TRIM23: variants seen among roughly 807,000 people sequenced by gnomAD.
TRIM23 encodes the protein E3 ubiquitin-protein ligase TRIM23.
A neutral mutation model predicts 71.0 loss-of-function variants in TRIM23; 27 were observed. The observed-to-expected ratio is 0.38, with a 90% confidence interval of 0.28 to 0.52. The LOEUF (loss-of-function observed/expected upper bound fraction) is 0.52, where lower values mean the gene tolerates loss of function less well. Ranked by LOEUF, TRIM23 falls within the 20% of genes least tolerant of loss-of-function variation. TRIM23 has a pLI of 0.84. For synonymous variants in TRIM23, 234 were observed against 238.0 expected (o/e 0.98, Z 0.16); for missense variants, 482 against 692.3 (o/e 0.70, Z 3.41).
chr5:65,611,117 T>C (rs1276041760), intron 4 of TRIM23, 74 bp from the exon 5 acceptor site: 1 of 1,319,684 alleles, frequency 7.6e-7, no homozygotes, highest in Non-Finnish European at 1.0e-6. Context: ...TTTAAATCCC[T>C]ATTAATACAA....
intron 6 of TRIM23, chr5:65,606,983 T>C (rs1189937582): frequency 1.3e-5 from 2 of 152,272 alleles, no homozygotes; most frequent in African/African-American, 4.8e-5. Context: ...ATACATGGCA[T>C]ATGTTAGCTA....
chr5:65,617,971 C>T (rs1754817284), intron 2 of TRIM23, 122 bp downstream of exon 2: 1 of 1,073,388 alleles, frequency 9.3e-7, no homozygotes, highest in African/African-American at 1.6e-5. Context: ...GAAACTTAGG[C>T]TTTCTGAAAC....
Position 65,591,569 on chromosome 5 carries a change from T to C in TRIM23, c.*200A>G. 7.3e-7 allele frequency: 1 copy of C among 1,363,148 alleles called. No individual in the cohort carries two copies. Among genetic ancestry groups the C allele is most frequent in the Non-Finnish European group, 9.6e-7 (1 of 1,036,770 alleles). 84.4% of individuals were successfully genotyped at this position (1,363,148 alleles called of 1,614,324 possible). On this transcript the variant is annotated 3_prime_UTR_variant, in exon 11 of 11. Coordinates refer to ENST00000231524, the MANE Select transcript of TRIM23 (RefSeq NM_001656.4). ...TAAGTTTCTATTTAATTCAATCTAA[T>C]CTGCTCAATTAGAAATTTAATTCTG... is the stretch of plus-strand genomic sequence containing the variant.
At position 65,590,448 on chromosome 5, in the gene TRIM23, C is replaced by T. The variant is rs1195127965; in HGVS notation, c.*1321G>A. The T allele has an allele frequency of 1.5e-6, 2 of 1,299,402 alleles. No homozygotes were observed. Among genetic ancestry groups the T allele is most frequent in the African/African-American group, 3.1e-5 (2 of 64,622 alleles). 80.5% of individuals were successfully genotyped at this position (1,299,402 alleles called of 1,614,324 possible). On this transcript the variant is annotated 3_prime_UTR_variant, in exon 11 of 11. Coordinates refer to ENST00000231524, the MANE Select transcript of TRIM23 (RefSeq NM_001656.4). ...TTGAAAAGAATGAACCACAACAGTG[C>T]TACCAAAAAGTCACATCTTGTTACC...
intron 1 of TRIM23, 31 bp downstream of exon 1, chr5:65,624,163 G>A: frequency 6.2e-7 from 1 of 1,613,692 alleles, no homozygotes; most frequent in Non-Finnish European, 8.5e-7. Flanking sequence ...GGAGGCCGAT[G>A]GTGGAGAATA....
At chr5:65,596,687 C>T (rs543382276) in intron 8 of TRIM23, among the ~76,000 whole-genome samples, 156 bp from the exon 9 acceptor site, 3 of 152,136 alleles carry the variant, frequency 2.0e-5, no homozygotes, top group Non-Finnish European at 2.9e-5. Context: ...CCTACTCCTA[C>T]GTGGTGAATG....
chr5:65,611,074 A>G, intron 4 of TRIM23, 31 bp from the exon 5 acceptor site: 2 of 1,565,122 alleles, frequency 1.3e-6, no homozygotes, highest in Non-Finnish European at 8.6e-7. Context: ...AGAGAAAAGA[A>G]CTCATAGTAT....
In TRIM23 at chr5:65,592,006, T is replaced by C. The variant is rs530944312; in HGVS notation, c.1546-58A>G. The C allele has an allele frequency of 1.7e-4, 256 of 1,478,890 alleles. No homozygotes were observed. The Middle Eastern group carries it at 5.6e-3, about 32-fold the overall frequency. 91.6% of individuals were successfully genotyped at this position (1,478,890 alleles called of 1,614,324 possible). On this transcript the variant is annotated intron_variant, in intron 10 of 10. Transcript: ENST00000231524. Reference sequence around the variant, plus strand: ...CCATCCAAATTATAATTTTTCTAATTATCACCATTTATAGAGAAATTTGTT... The same window carrying C: ...CCATCCAAATTATAATTTTTCTAATCATCACCATTTATAGAGAAATTTGTT...
chr5:65,622,592 A>C (rs1754974448), intron 1 of TRIM23, among the ~76,000 whole-genome samples: 1 of 152,248 alleles, frequency 6.6e-6, no homozygotes, highest in African/African-American at 2.4e-5. Flanking sequence ...ATATACTTCA[A>C]CTTTTACCTT....
chr5:65,596,382 T>C (rs756902897), intron 9 of TRIM23, 39 bp downstream of exon 9: 17 of 1,428,074 alleles, frequency 1.2e-5, no homozygotes, highest in African/African-American at 4.2e-5. Flanking sequence ...ACTGTCATCC[T>C]AAAAATGTGA....
intron 7 of TRIM23, among the ~76,000 whole-genome samples, chr5:65,599,597 A>G (rs968498132): frequency 6.6e-6 from 1 of 152,224 alleles, no homozygotes; most frequent in African/African-American, 2.4e-5. Context: ...AAAATAAATT[A>G]AGACATAAAT....
At chr5:65,622,299 G>A (rs1280874682) in intron 1 of TRIM23, among the ~76,000 whole-genome samples, 1 of 152,108 alleles carries the variant, frequency 6.6e-6, no homozygotes, top group East Asian at 1.9e-4. Flanking sequence ...CTGAGTAACT[G>A]GGATTAACAG....
intron 2 of TRIM23, among the ~76,000 whole-genome samples, chr5:65,616,453 C>A (rs1754780575): frequency 6.6e-6 from 1 of 151,528 alleles, no homozygotes. Flanking sequence ...ACCAGCCAGG[C>A]CAACATGGTG....
rs1753983200 is a variant in TRIM23 at position 65,590,308 on chromosome 5, A to G, written c.*1461T>C. On this transcript the variant is annotated 3_prime_UTR_variant, in exon 11 of 11. Coordinates refer to ENST00000231524, the MANE Select transcript of TRIM23 (RefSeq NM_001656.4). ...GTAACAGCATGACCTTTTACCTGAA[A>G]AATAAAGGATGAAATATTACATTTA... 1.3e-5 allele frequency: 19 copies of G among 1,434,180 alleles called. No individual in the cohort carries two copies. Among genetic ancestry groups the G allele is most frequent in the Non-Finnish European group, 1.8e-5 (19 of 1,036,380 alleles). 88.8% of individuals were successfully genotyped at this position (1,434,180 alleles called of 1,614,324 possible). A position where few individuals can be genotyped will look rare whatever the true frequency, so the allele number is the denominator to read the frequency against.
Position 65,611,709 on chromosome 5 carries a change from T to C in TRIM23, c.539A>G (p.Gln180Arg). ...AAACTCAATGGCATGCACCTGGTGCTGAGAGCACATAGTTTTCTCATGAGG... is the reference window on the plus strand; with the variant it reads ...AAACTCAATGGCATGCACCTGGTGCCGAGAGCACATAGTTTTCTCATGAGG... ...DKPHEKTMCS[Q>R]HQVHAIEFVC... Residue 180 changes from glutamine (Q) to arginine (R), a missense_variant, in exon 4 of 11, where the codon CAG (glutamine) becomes CGG (arginine). Transcript: ENST00000231524. 6.2e-7 allele frequency: 1 copy of C among 1,614,226 alleles called. No individual in the cohort carries two copies. The highest frequency in any genetic ancestry group is 8.5e-7 in the Non-Finnish European group (1 of 1,180,046).
chr5:65,617,734 C>T (rs1754813015), intron 2 of TRIM23, among the ~76,000 whole-genome samples: 1 of 152,048 alleles, frequency 6.6e-6, no homozygotes. Context: ...TCATTATTGG[C>T]TTATTTATTT....
rs182599768 is a variant in TRIM23, at chr5:65,614,473, G to A, written c.245-254C>T. Among the ~76,000 whole-genome samples the A allele has an allele frequency of 7.2e-5, 11 of 152,220 alleles. No homozygotes were observed. The East Asian group carries it at 1.2e-3, about 16-fold the overall frequency. On this transcript the variant is annotated intron_variant, in intron 2 of 10. Coordinates refer to ENST00000231524, the MANE Select transcript of TRIM23 (RefSeq NM_001656.4). ...TTTTTGGCCAGGTGCTTTGGCCCAC[G>A]CCTGTAATCCCAGCAGTTTGGGAGG...
chr5:65,618,144 G>C lies in TRIM23; in HGVS notation c.193C>G (p.Leu65Val). The C allele has an allele frequency of 6.2e-7, 1 of 1,614,020 alleles. No individual in the cohort carries two copies. The highest frequency in any genetic ancestry group is 8.5e-7 in the Non-Finnish European group (1 of 1,179,960). Residue 65 changes from leucine (L) to valine (V), a missense_variant, in exon 2 of 11, where the codon CTT (leucine) becomes GTT (valine). Physicochemically the swap from Leu to Val is conservative, Grantham distance 32. Around this residue, in one of 2 missense-constraint regions of TRIM23, gnomAD observed 175 missense variants for 196.5 expected, o/e 0.89. Coordinates refer to ENST00000231524, the MANE Select transcript of TRIM23 (RefSeq NM_001656.4). ...VCHDCLTRLP[L>V]HGRAIRCPFD... ...GGGCAACGGATTGCTCTTCCATGAA[G>C]AGGTAGGCGAGTGAGACAGTCATGA...
intron 7 of TRIM23, among the ~76,000 whole-genome samples, chr5:65,601,469 C>G (rs1008653334): frequency 6.6e-6 from 1 of 152,124 alleles, no homozygotes; most frequent in Non-Finnish European, 1.5e-5. Context: ...AAAGCGGAAA[C>G]CCCTGATAAA....
Sources: allele counts gnomAD v4.1 joint callset (sites outside exome capture counted in the v4.1 genomes callset), GRCh38; gene constraint gnomAD v4.1.1; regional missense constraint gnomAD v4.1.1; transcripts MANE v1.5; gene names NCBI Gene and HGNC (gene_info 2026-07-23, HGNC 2026-07-21).